MAP3K1: variants seen among roughly 807,000 people sequenced by gnomAD.
MAP3K1 encodes MAP/ERK kinase kinase 1.
In MAP3K1, 36 loss-of-function variants were observed where a neutral mutation model predicts 144.2. The ratio of observed to expected loss-of-function variants is 0.25; its 90% CI spans 0.19 to 0.33. The LOEUF (loss-of-function observed/expected upper bound fraction) is 0.33, where lower values mean the gene tolerates loss of function less well. MAP3K1 is among the 10% of genes least tolerant of loss of function. The pLI is 1.00. For missense variants in MAP3K1, 1,650 were observed against 1,881.9 expected (o/e 0.88, Z 2.28); for synonymous variants, 718 against 688.7 (o/e 1.04, Z -0.67).
intron 1 of MAP3K1, among the ~76,000 whole-genome samples, chr5:56,819,540 A>T (rs552998411): frequency 6.6e-6 from 1 of 152,252 alleles, no homozygotes; most frequent in East Asian, 1.9e-4. Context: ...GTGGCAAGGT[A>T]GTTAATGGGG....
intron 1 of MAP3K1, among the ~76,000 whole-genome samples, chr5:56,824,951 T>A (rs1025733498): frequency 1.3e-5 from 2 of 152,106 alleles, no homozygotes; most frequent in Non-Finnish European, 2.9e-5. Context: ...ATTTTTATTT[T>A]TTTTTTTGAG....
At chr5:56,837,784 C>T (rs1746697759) in intron 1 of MAP3K1, among the ~76,000 whole-genome samples, 1 of 152,204 alleles carries the variant, frequency 6.6e-6, no homozygotes, top group Non-Finnish European at 1.5e-5. Context: ...CCTCACGGAT[C>T]TCAAAGTCAA....
At chr5:56,875,888 T>A (rs910126648) in intron 10 of MAP3K1, among the ~76,000 whole-genome samples, 17 of 152,188 alleles carry the variant, frequency 1.1e-4, no homozygotes, top group African/African-American at 3.9e-4. Flanking sequence ...TTTTAAAAAA[T>A]TTATCAGATA....
chr5:56,871,391 C>G (rs1189424251), intron 6 of MAP3K1, among the ~76,000 whole-genome samples: 2 of 152,042 alleles, frequency 1.3e-5, no homozygotes, highest in Non-Finnish European at 2.9e-5. Context: ...TCCTAGAAGT[C>G]TAGGTGAAAG....
Position 56,894,914 on chromosome 5 carries a change from G to A in MAP3K1, c.*1234G>A, listed in dbSNP as rs962669497. The A allele has an allele frequency of 9.5e-5, 22 of 231,920 alleles. 1 individual carries two copies. The highest frequency in any genetic ancestry group is 6.8e-4 in the Admixed American group (12 of 17,772). 14.4% of individuals were successfully genotyped at this position (231,920 alleles called of 1,614,324 possible). On this transcript the variant is annotated 3_prime_UTR_variant, in exon 20 of 20. Transcript: ENST00000399503. ...CTTGGATTTTGCACAGTTACCTAAC[G>A]GTTTTAGTCTGGAGTTAAATTCAGA...
rs1484587876 is a variant in MAP3K1, at chr5:56,882,275, T to A, written c.3075T>A (p.Phe1025Leu). 1 of 1,614,118 alleles carries A rather than the reference T, an allele frequency of 6.2e-7. No individual in the cohort carries two copies. The highest frequency in any genetic ancestry group is 1.3e-5 in the African/African-American group (1 of 75,042). Residue 1025 changes from phenylalanine (F) to leucine (L), a missense_variant, in exon 14 of 20, where the codon TTT becomes TTA. Physicochemically the swap from Phe to Leu is conservative, Grantham distance 22. Coordinates refer to ENST00000399503, the MANE Select transcript of MAP3K1 (RefSeq NM_005921.2). ...CATCTCCTCAAACACAGCGCAAGTT[T>A]TCTCTACAATTCCACAGAAACTGTC... ...PSASPQTQRK[F>L]SLQFHRNCPE...
chr5:56,850,262 CTTAA>C (rs1424420032), intron 1 of MAP3K1, among the ~76,000 whole-genome samples: 1 of 152,056 alleles, frequency 6.6e-6, no homozygotes, highest in Non-Finnish European at 1.5e-5. Context: ...ACAGGTGGAC[CTTAA>C]TTAGTTAGCT....
chr5:56,872,784 C>T (rs1747894948), intron 8 of MAP3K1, 41 bp from the exon 9 acceptor site: 3 of 1,611,108 alleles, frequency 1.9e-6, no homozygotes, highest in Non-Finnish European at 2.5e-6. Flanking sequence ...TGTGGTTTGT[C>T]TTAATTTTTT....
intron 11 of MAP3K1, 85 bp downstream of exon 11, chr5:56,879,186 A>T (rs1748129656): frequency 2.1e-6 from 3 of 1,436,440 alleles, no homozygotes; most frequent in Non-Finnish European, 2.9e-6. Flanking sequence ...TGAATATCTG[A>T]TACATTTTAT....
intron 1 of MAP3K1, among the ~76,000 whole-genome samples, chr5:56,836,904 A>G (rs1746671651): frequency 6.6e-6 from 1 of 152,160 alleles, no homozygotes; most frequent in African/African-American, 2.4e-5. Flanking sequence ...TTTGTATTTT[A>G]GCCACCTTTG....
Position 56,875,298 on chromosome 5 carries a change from C to T in MAP3K1, c.1953C>T (p.Tyr651=), listed in dbSNP as rs199816039. Reference sequence around the variant, plus strand: ...GTGCTGACCCTGTCTACAAAGTGTACGTTGCTGCTTTAGTAAGTAGCTTTA... The same window carrying T: ...GTGCTGACCCTGTCTACAAAGTGTATGTTGCTGCTTTAGTAAGTAGCTTTA... ...MVCADPVYKV[Y]VAALKTLRAM... is the part of the protein sequence containing the mutation. Residue 651 remains tyrosine, a synonymous_variant, in exon 10 of 20, where the codon TAC becomes TAT. Transcript: ENST00000399503. 118 of 1,613,950 alleles carry T rather than the reference C, an allele frequency of 7.3e-5. No individual in the cohort carries two copies. In the East Asian group the frequency reaches 1.1e-3, roughly 15 times the overall value.
At chr5:56,835,100 G>A (rs1030862076) in intron 1 of MAP3K1, among the ~76,000 whole-genome samples, 28 of 152,198 alleles carry the variant, frequency 1.8e-4, no homozygotes, top group African/African-American at 6.5e-4. Flanking sequence ...TAAGGGTTGA[G>A]AAGTGAATGA....
At chr5:56,864,603 G>A in intron 3 of MAP3K1, 131 bp from the exon 4 acceptor site, 1 of 854,896 alleles carries the variant, frequency 1.2e-6, no homozygotes, top group South Asian at 1.4e-5. Context: ...TGGATCTCCT[G>A]ACCTCATGAT....
intron 1 of MAP3K1, among the ~76,000 whole-genome samples, chr5:56,823,605 G>A (rs1413826914): frequency 6.6e-6 from 1 of 152,204 alleles, no homozygotes; most frequent in Non-Finnish European, 1.5e-5. Context: ...GTTCAAATTA[G>A]TGGATCCACT....
chr5:56,865,856 A>G lies in MAP3K1; in HGVS notation c.1180A>G (p.Ser394Gly). ...EVESLFQKYH[S>G]RRSSRIKAPS... ...TGAGAGTTTGTTCCAGAAATATCACAGTAGGCGTAGCTCAAGGATCAAAGC... is the reference window on the plus strand; with the variant it reads ...TGAGAGTTTGTTCCAGAAATATCACGGTAGGCGTAGCTCAAGGATCAAAGC... The change falls in exon 6 of 20, where the codon AGT becomes GGT. Residue 394 changes from serine (S) to glycine (G), a missense_variant. Around this residue, in one of 6 missense-constraint regions of MAP3K1, gnomAD observed 125 missense variants for 179.9 expected, o/e 0.69. Coordinates refer to ENST00000399503, the MANE Select transcript of MAP3K1 (RefSeq NM_005921.2). 1.2e-6 allele frequency: 2 copies of G among 1,614,144 alleles called. No individual in the cohort carries two copies. The highest frequency in any genetic ancestry group is 1.7e-6 in the Non-Finnish European group (2 of 1,179,968).
Position 56,893,760 on chromosome 5 carries a change from C to T in MAP3K1, c.*80C>T. ...ACTTGTGGGGAACCACATTGATATT[C>T]TACTGGCCATGATGCCACTGAACAG... is the stretch of plus-strand genomic sequence containing the variant. On this transcript the variant is annotated 3_prime_UTR_variant, in exon 20 of 20. Coordinates refer to ENST00000399503, the MANE Select transcript of MAP3K1 (RefSeq NM_005921.2). The T allele has an allele frequency of 1.3e-6, 2 of 1,481,672 alleles. No homozygotes were observed. Among genetic ancestry groups the T allele is most frequent in the Non-Finnish European group, 1.9e-6 (2 of 1,074,750 alleles). 91.8% of individuals were successfully genotyped at this position (1,481,672 alleles called of 1,614,324 possible).
intron 6 of MAP3K1, among the ~76,000 whole-genome samples, chr5:56,867,571 T>A (rs932457763): frequency 6.6e-6 from 1 of 152,132 alleles, no homozygotes; most frequent in East Asian, 1.9e-4. Flanking sequence ...ACCGAAGAAA[T>A]GTTCATTTTT....
chr5:56,863,284 T>C (rs1747573949), intron 3 of MAP3K1, among the ~76,000 whole-genome samples: 1 of 152,222 alleles, frequency 6.6e-6, no homozygotes, highest in South Asian at 2.1e-4. Context: ...GTTAAATTTA[T>C]TTTGTCTAAA....
chr5:56,877,891 ACT>A (rs2111929336), intron 10 of MAP3K1, among the ~76,000 whole-genome samples: 1 of 152,250 alleles, frequency 6.6e-6, no homozygotes, highest in South Asian at 2.1e-4. Context: ...CTTGACAGAT[ACT>A]TTCAAAGTTT....
Sources: allele counts gnomAD v4.1 joint callset (sites outside exome capture counted in the v4.1 genomes callset), GRCh38; gene constraint gnomAD v4.1.1; regional missense constraint gnomAD v4.1.1; transcripts MANE v1.5; gene names NCBI Gene and HGNC (gene_info 2026-07-23, HGNC 2026-07-21).